Variants in TTC28 observed in about 807,000 individuals in gnomAD.
TTC28 encodes tetratricopeptide repeat domain 28, also known as tetratricopeptide repeat protein 28.
In TTC28, 61 loss-of-function variants were observed where a neutral mutation model predicts 198.0. That is an observed-to-expected ratio of 0.31 (90% confidence interval 0.25 to 0.38). TTC28 has a LOEUF of 0.38. Ranked by LOEUF, TTC28 falls within the 10% of genes least tolerant of loss-of-function variation. TTC28 has a pLI of 1.00. For missense variants in TTC28, 2,678 were observed against 3,164.0 expected (o/e 0.85, Z 3.69); for synonymous variants, 1,171 against 1,297.8 (o/e 0.90, Z 2.10).
chr22:28,484,481 A>G (rs2048293064), intron 2 of TTC28, among the ~76,000 whole-genome samples: 2 of 152,156 alleles, frequency 1.3e-5, no homozygotes, highest in African/African-American at 4.8e-5. Context: ...ACAAACAGGC[A>G]AACCCCATAT....
chr22:27,983,856 G>A lies in TTC28; in HGVS notation c.5816-5C>T, dbSNP rs1569065832. On this transcript the variant is annotated splice_polypyrimidine_tract_variant and splice_region_variant and intron_variant, in intron 22 of 22. Transcript: ENST00000397906. The stretch of plus-strand genomic sequence containing the variant: ...GCTTGGGTAGCTCAGTAGAATCTAA[G>A]CACAAAACACAAGGGCCCCAAGGAC... 2.6e-6 allele frequency: 4 copies of A among 1,543,350 alleles called. No individual in the cohort carries two copies. In the African/African-American group the frequency reaches 5.5e-5, roughly 21 times the overall value.
At chr22:28,537,342 A>ATAAAATAAAATAAAATAAAATAAAAT (rs2049316127) in intron 2 of TTC28, among the ~76,000 whole-genome samples, 1 of 146,420 alleles carries the variant, frequency 6.8e-6, no homozygotes, top group Non-Finnish European at 1.5e-5. Flanking sequence ...ATAAAATAAA[A>ATAAAATAAAATAAAATAAAATAAAAT]ACAAGAATAG....
intron 2 of TTC28, among the ~76,000 whole-genome samples, chr22:28,528,219 T>C (rs929705363): frequency 1.3e-5 from 2 of 152,164 alleles, no homozygotes; most frequent in African/African-American, 4.8e-5. Flanking sequence ...GACATATGAA[T>C]GCTTAAGCCA....
intron 1 of TTC28, among the ~76,000 whole-genome samples, chr22:28,640,336 A>C: frequency 6.6e-6 from 1 of 151,520 alleles, no homozygotes; most frequent in African/African-American, 2.4e-5. Flanking sequence ...AAGATGAGCA[A>C]TAAGAGACCT....
chr22:28,559,714 T>C (rs1165540857), intron 2 of TTC28, among the ~76,000 whole-genome samples: 3 of 152,170 alleles, frequency 2.0e-5, no homozygotes, highest in Non-Finnish European at 2.9e-5. Context: ...GGATATCACG[T>C]TCTCCAGTTT....
intron 2 of TTC28, among the ~76,000 whole-genome samples, chr22:28,407,821 G>A (rs997791371): frequency 2.0e-5 from 3 of 151,980 alleles, no homozygotes; most frequent in Non-Finnish European, 4.4e-5. Flanking sequence ...CACTTCTATT[G>A]GAACATAATG....
At chr22:28,045,732 G>A (rs1939835835) in intron 12 of TTC28, among the ~76,000 whole-genome samples, 1 of 152,204 alleles carries the variant, frequency 6.6e-6, no homozygotes, top group Admixed American at 6.5e-5. Context: ...GGGAGGCCAA[G>A]GCAGGCAGAT....
intron 2 of TTC28, among the ~76,000 whole-genome samples, chr22:28,546,126 T>C (rs2145946004): frequency 6.6e-6 from 1 of 152,336 alleles, no homozygotes; most frequent in African/African-American, 2.4e-5. Flanking sequence ...TGCATAAGGA[T>C]AGGTATGTAA....
intron 2 of TTC28, among the ~76,000 whole-genome samples, chr22:28,548,947 T>C (rs1364040126): frequency 6.6e-6 from 1 of 152,222 alleles, no homozygotes; most frequent in African/African-American, 2.4e-5. Flanking sequence ...GTTTTGTTAA[T>C]AGTAGTCCAA....
intron 2 of TTC28, among the ~76,000 whole-genome samples, chr22:28,415,305 A>C (rs564026833): frequency 6.6e-6 from 1 of 152,300 alleles, no homozygotes; most frequent in Non-Finnish European, 1.5e-5. Context: ...CAAAGTGGAG[A>C]CTATCCCTTG....
intron 2 of TTC28, among the ~76,000 whole-genome samples, chr22:28,518,834 C>T (rs545149900): frequency 3.3e-5 from 5 of 152,220 alleles, no homozygotes; most frequent in African/African-American, 1.2e-4. Context: ...GTACTCAATA[C>T]AGTCTCCTAG....
rs112203285 is a variant in TTC28 at position 28,187,430 on chromosome 22, A to C, written c.934-23831T>G. Reference sequence around the variant, plus strand: ...TTTAACATAATTTTTGGTATAACAAAATTAAACTTCCTGAACCAATGGTAA... The same window carrying C: ...TTTAACATAATTTTTGGTATAACAACATTAAACTTCCTGAACCAATGGTAA... On this transcript the variant is annotated intron_variant, in intron 5 of 22. Coordinates refer to ENST00000397906, the MANE Select transcript of TTC28 (RefSeq NM_001145418.2). Among the ~76,000 whole-genome samples the C allele has an allele frequency of 2.3e-3, 343 of 152,328 alleles. 1 individual carries two copies. The highest frequency in any genetic ancestry group is 7.7e-3 in the African/African-American group (320 of 41,574).
At chr22:28,326,975 AACACACACACACACACACAC>A (rs57349023) in intron 2 of TTC28, among the ~76,000 whole-genome samples, 32 of 142,930 alleles carry the variant, frequency 2.2e-4, no homozygotes, top group African/African-American at 6.7e-4. Context: ...CACAAACACA[AACACACACACACACACACAC>A]ACACACACAC....
At chr22:28,669,195 T>G (rs886193259) in intron 1 of TTC28, among the ~76,000 whole-genome samples, 1 of 136,028 alleles carries the variant, frequency 7.4e-6, no homozygotes, top group African/African-American at 2.8e-5. Flanking sequence ...GAGATATACC[T>G]AATGCTAGAT....
chr22:28,592,307 T>C (rs738749), intron 2 of TTC28, among the ~76,000 whole-genome samples: 152,015 of 152,198 alleles, frequency 1, 75,916 homozygotes, highest in Non-Finnish European at 1. Context: ...GCTATGATCA[T>C]ACCACAGCAT....
chr22:28,232,606 GAA>G (rs1406730281), intron 5 of TTC28: 1 of 151,978 alleles, frequency 6.6e-6, no homozygotes, highest in Non-Finnish European at 1.5e-5. Flanking sequence ...AACTATAAAT[GAA>G]AAAAACCACA....
chr22:27,998,301 C>CACATTCAT, intron 16 of TTC28: 1 of 654,900 alleles, frequency 1.5e-6, no homozygotes, highest in South Asian at 2.1e-5. Context: ...GGAGGAGTTT[C>CACATTCAT]ACATTCATAC....
At chr22:28,560,595 G>C (rs1428041840) in intron 2 of TTC28, among the ~76,000 whole-genome samples, 1 of 151,802 alleles carries the variant, frequency 6.6e-6, no homozygotes, top group African/African-American at 2.4e-5. Context: ...TCTCTTCCTG[G>C]GACATGCTTT....
In TTC28 at chr22:28,133,604, C is replaced by G. The variant is rs556220313; in HGVS notation, c.1442-25201G>C. On this transcript the variant is annotated intron_variant, in intron 6 of 22. Coordinates refer to ENST00000397906, the MANE Select transcript of TTC28 (RefSeq NM_001145418.2). ...AGAGGGTCCCAAGCCCACAGAGCCT[C>G]CCTCATTGCTAGCACAGCAGTCTGA... is the stretch of plus-strand genomic sequence containing the variant. Among the ~76,000 whole-genome samples the G allele has an allele frequency of 4.1e-4, 63 of 152,322 alleles. 1 individual carries two copies. Among genetic ancestry groups the G allele is most frequent in the South Asian group, 2.1e-3 (10 of 4,828 alleles).
Sources: gnomAD v4.1 joint callset for allele counts (sites outside exome capture counted in the v4.1 genomes callset) on GRCh38, gnomAD v4.1.1 for gene constraint, MANE v1.5 for transcripts, NCBI Gene and HGNC (gene_info 2026-07-23, HGNC 2026-07-21) for gene names.